PHACTR1: variants seen among roughly 807,000 people sequenced by gnomAD.
The protein encoded by PHACTR1 is RPEL repeat containing 1.
In PHACTR1, 16 loss-of-function variants were observed where a neutral mutation model predicts 69.2. The ratio of observed to expected loss-of-function variants is 0.23; its 90% CI spans 0.16 to 0.35. The LOEUF (loss-of-function observed/expected upper bound fraction) is 0.35. Ranked by LOEUF, PHACTR1 falls within the 10% of genes least tolerant of loss-of-function variation. PHACTR1 has a pLI of 1.00. For missense variants in PHACTR1, 510 were observed against 734.7 expected (o/e 0.69, Z 3.54); for synonymous variants, 312 against 284.5 (o/e 1.10, Z -0.97).
intron 4 of PHACTR1, among the ~76,000 whole-genome samples, chr6:13,027,982 T>C (rs1324866615): frequency 1.3e-5 from 2 of 152,214 alleles, no homozygotes; most frequent in Non-Finnish European, 2.9e-5. Flanking sequence ...TGGCCTGATA[T>C]ATGGATCACA....
intron 4 of PHACTR1, among the ~76,000 whole-genome samples, chr6:12,776,957 A>G (rs559538879): frequency 2.0e-5 from 3 of 152,158 alleles, no homozygotes; most frequent in Non-Finnish European, 4.4e-5. Flanking sequence ...TCAAAATAAT[A>G]GTGGTGTATA....
intron 4 of PHACTR1, among the ~76,000 whole-genome samples, chr6:13,003,181 G>A (rs953104162): frequency 2.4e-4 from 36 of 152,096 alleles, no homozygotes; most frequent in Non-Finnish European, 1.6e-4. Flanking sequence ...TAAAATTTTT[G>A]CAAGATTCCT....
chr6:12,901,052 A>C (rs1303477621), intron 4 of PHACTR1, among the ~76,000 whole-genome samples: 4 of 151,920 alleles, frequency 2.6e-5, no homozygotes. Flanking sequence ...CCTAGGGGAG[A>C]GGGTAAGGGG....
At chr6:12,795,655 T>G (rs1459301978) in intron 4 of PHACTR1, among the ~76,000 whole-genome samples, 1 of 151,888 alleles carries the variant, frequency 6.6e-6, no homozygotes, top group Non-Finnish European at 1.5e-5. Flanking sequence ...AATCAGTGAA[T>G]TTTTCATTGT....
rs201867496 is a variant in PHACTR1, at chr6:12,856,251, C to CTTTTTT, written c.250+106464_250+106465insTTTTTT. ...TTCTTTTCTTTTTCTTTCTTTCTTT[C>CTTTTTT]TTTCTTTTTTTTTTTTTCTGAGACA... On this transcript the variant is annotated intron_variant, in intron 4 of 14. Coordinates refer to ENST00000332995, the MANE Select transcript of PHACTR1 (RefSeq NM_030948.6). 4.4e-3 allele frequency among the ~76,000 whole-genome samples: 416 copies of CTTTTTT among 95,204 alleles called. 4 individuals are homozygous for CTTTTTT. The highest frequency in any genetic ancestry group is 0.011 in the African/African-American group (374 of 33,170). The allele number at this position is 95,204 out of a possible 152,430, so 62.5% of individuals were successfully genotyped here.
chr6:13,089,471 C>T (rs1583306981), intron 5 of PHACTR1, among the ~76,000 whole-genome samples: 1 of 152,078 alleles, frequency 6.6e-6, no homozygotes, highest in Non-Finnish European at 1.5e-5. Flanking sequence ...GCCAGGAATA[C>T]GTCAGCTTGT....
intron 7 of PHACTR1, among the ~76,000 whole-genome samples, chr6:13,200,855 A>G (rs1350535778): frequency 2.0e-5 from 3 of 151,344 alleles, no homozygotes; most frequent in East Asian, 1.9e-4. Flanking sequence ...CAGGAAAATC[A>G]CTTGAACAAC....
intron 4 of PHACTR1, among the ~76,000 whole-genome samples, chr6:12,883,022 A>G (rs1783248323): frequency 6.6e-6 from 1 of 152,178 alleles, no homozygotes. Flanking sequence ...TAATGATTCT[A>G]GTGATGCTGC....
rs1037899668 is a variant in PHACTR1 at position 13,275,030 on chromosome 6, A to G, written c.1447+2115A>G. The G allele has an allele frequency of 6.6e-6, 1 of 152,266 alleles. No individual in the cohort carries two copies. Among genetic ancestry groups the G allele is most frequent in the Non-Finnish European group, 1.5e-5 (1 of 68,046 alleles). The allele number at this position is 152,266 out of a possible 1,614,324, so 9.4% of individuals were successfully genotyped here. On this transcript the variant is annotated intron_variant, in intron 11 of 14. Coordinates refer to ENST00000332995, the MANE Select transcript of PHACTR1 (RefSeq NM_030948.6). The surrounding 1 kb of genome is among the most constrained non-coding windows in gnomAD (Gnocchi z 4.0). ...AATCTATTGCGATTGTTAAACAAAA[A>G]AAATGTCTAGTGGTATAAGAAAACA...
At chr6:12,814,368 A>C (rs570518849) in intron 4 of PHACTR1, among the ~76,000 whole-genome samples, 1 of 152,376 alleles carries the variant, frequency 6.6e-6, no homozygotes, top group East Asian at 1.9e-4. Context: ...GGCAAGAAGT[A>C]AACAAAGACA....
intron 5 of PHACTR1, among the ~76,000 whole-genome samples, chr6:13,067,572 G>T (rs1349728213): frequency 6.6e-6 from 1 of 152,186 alleles, no homozygotes; most frequent in African/African-American, 2.4e-5. Flanking sequence ...ACTCGTCTTT[G>T]TATGAACCCC....
intron 4 of PHACTR1, among the ~76,000 whole-genome samples, chr6:12,752,429 C>G (rs4499931): frequency 2.8e-4 from 42 of 152,294 alleles, no homozygotes; most frequent in African/African-American, 8.9e-4. Flanking sequence ...TGTGCCCTTT[C>G]TTTCCAATCC....
chr6:12,881,672 G>C (rs1385827778), intron 4 of PHACTR1, among the ~76,000 whole-genome samples: 2 of 152,098 alleles, frequency 1.3e-5, no homozygotes, highest in Non-Finnish European at 1.5e-5. Flanking sequence ...GCAGACAGGA[G>C]CTTGGTCCTG....
At chr6:12,895,734 T>A (rs1784606128) in intron 4 of PHACTR1, among the ~76,000 whole-genome samples, 1 of 152,224 alleles carries the variant, frequency 6.6e-6, no homozygotes, top group East Asian at 1.9e-4. Flanking sequence ...CTCTACGTAT[T>A]GATTCTCGAG....
intron 7 of PHACTR1, among the ~76,000 whole-genome samples, chr6:13,197,548 T>A (rs4715146): frequency 0.21 from 31,195 of 151,910 alleles, 4,073 homozygotes; most frequent in Non-Finnish European, 0.28. Context: ...TCCTTTTTTT[T>A]TTATTATTAT....
intron 7 of PHACTR1, among the ~76,000 whole-genome samples, chr6:13,190,198 A>ATTTTT (rs1215055032): frequency 1.1e-5 from 1 of 87,266 alleles, no homozygotes; most frequent in Admixed American, 1.4e-4. Flanking sequence ...TAATTTTTGT[A>ATTTTT]TTTTTTTTTT....
At chr6:12,950,757 A>G (rs142562850) in intron 4 of PHACTR1, among the ~76,000 whole-genome samples, 1 of 152,302 alleles carries the variant, frequency 6.6e-6, no homozygotes, top group African/African-American at 2.4e-5. Flanking sequence ...ACATCACCTT[A>G]GAACTTCCCC....
At chr6:12,831,042 T>C (rs1777519561) in intron 4 of PHACTR1, among the ~76,000 whole-genome samples, 1 of 152,158 alleles carries the variant, frequency 6.6e-6, no homozygotes. Context: ...TTTTAAAAAG[T>C]TGAATTCCAG....
chr6:13,182,415 A>T, intron 6 of PHACTR1, 104 bp from the exon 7 acceptor site: 2 of 1,283,618 alleles, frequency 1.6e-6, no homozygotes, highest in Admixed American at 3.4e-5. Context: ...TCAGAGGCTG[A>T]CCTTGATTGT....
Sources: allele counts gnomAD v4.1 joint callset (sites outside exome capture counted in the v4.1 genomes callset), GRCh38; gene constraint gnomAD v4.1.1; non-coding constraint Gnocchi (gnomAD v3.1); transcripts MANE v1.5; gene names NCBI Gene and HGNC (gene_info 2026-07-23, HGNC 2026-07-21).